Variants in DTNB observed in about 807,000 individuals in gnomAD.
The protein encoded by DTNB is dystrobrevin beta.
In DTNB, 63 loss-of-function variants were observed where a neutral mutation model predicts 90.7. The ratio of observed to expected loss-of-function variants is 0.69; its 90% CI spans 0.57 to 0.86. The LOEUF (loss-of-function observed/expected upper bound fraction) is 0.86. Ranked by LOEUF, DTNB falls within the 40% of genes least tolerant of loss-of-function variation. DTNB has a pLI of 0.00. For synonymous variants in DTNB, 277 were observed against 286.7 expected (o/e 0.97, Z 0.34); for missense variants, 744 against 807.1 (o/e 0.92, Z 0.95).
intron 16 of DTNB, among the ~76,000 whole-genome samples, chr2:25,409,288 T>G (rs1006394885): frequency 6.6e-6 from 1 of 152,166 alleles, no homozygotes; most frequent in Admixed American, 6.5e-5. Context: ...AGGACCCAAA[T>G]AGATCTCTAT....
At chr2:25,403,790 A>AC (rs1233861035) in intron 16 of DTNB, among the ~76,000 whole-genome samples, 1 of 152,214 alleles carries the variant, frequency 6.6e-6, no homozygotes, top group African/African-American at 2.4e-5. Context: ...GCAGTTGGAT[A>AC]AACCTAGTTT....
intron 10 of DTNB, among the ~76,000 whole-genome samples, chr2:25,457,381 G>A (rs186132433): frequency 2.0e-4 from 31 of 152,222 alleles, no homozygotes; most frequent in Admixed American, 4.6e-4. Flanking sequence ...CCCTCGTTCC[G>A]TTTACTGGCA....
In DTNB at chr2:25,576,819, T is replaced by C. The variant is rs751079064; in HGVS notation, c.876+19A>G. On this transcript the variant is annotated intron_variant, in intron 8 of 20. Coordinates refer to ENST00000406818, the MANE Select transcript of DTNB (RefSeq NM_021907.5). ...ACAGATTAACACTCAGGGACACAGA[T>C]GAAACACAAAGCAGTTACCCAAGAG... 3 of 1,602,942 alleles carry C rather than the reference T, an allele frequency of 1.9e-6. No homozygotes were observed. The highest frequency in any genetic ancestry group is 1.3e-5 in the African/African-American group (1 of 74,682).
intron 1 of DTNB, among the ~76,000 whole-genome samples, chr2:25,664,657 A>G (rs908221327): frequency 3.3e-5 from 5 of 152,078 alleles, no homozygotes; most frequent in Non-Finnish European, 4.4e-5. Flanking sequence ...CATTTTACAT[A>G]CCTCCCACTT....
At chr2:25,638,355 A>G (rs191701255) in intron 3 of DTNB, among the ~76,000 whole-genome samples, 86 of 152,352 alleles carry the variant, frequency 5.6e-4, no homozygotes, top group Non-Finnish European at 9.3e-4. Context: ...CTTAAAGTAT[A>G]ATAAAAAATA....
intron 19 of DTNB, among the ~76,000 whole-genome samples, chr2:25,381,135 TTA>T (rs2037586879): frequency 6.6e-6 from 1 of 152,186 alleles, no homozygotes; most frequent in African/African-American, 2.4e-5. Flanking sequence ...GATGCAGCTG[TTA>T]TGTCTTCAGC....
chr2:25,642,053 C>A (rs2078442554), intron 2 of DTNB, among the ~76,000 whole-genome samples: 1 of 152,192 alleles, frequency 6.6e-6, no homozygotes, highest in South Asian at 2.1e-4. Context: ...ATCTCCTGAC[C>A]TCATGATCCA....
At chr2:25,496,440 T>A (rs1473022836) in intron 9 of DTNB, among the ~76,000 whole-genome samples, 1 of 152,178 alleles carries the variant, frequency 6.6e-6, no homozygotes, top group East Asian at 1.9e-4. Flanking sequence ...TGCAAAGTCA[T>A]TTCCCGACCT....
At chr2:25,506,626 C>T (rs898669939) in intron 9 of DTNB, among the ~76,000 whole-genome samples, 1 of 152,160 alleles carries the variant, frequency 6.6e-6, no homozygotes, top group African/African-American at 2.4e-5. Context: ...AGGAAATACC[C>T]TGACTTGATC....
chr2:25,378,581 G>T (rs966486839), intron 20 of DTNB, among the ~76,000 whole-genome samples: 1 of 151,740 alleles, frequency 6.6e-6, no homozygotes, highest in Non-Finnish European at 1.5e-5. Context: ...AGGTGGGGGG[G>T]TGGGAGGAGG....
intron 8 of DTNB, among the ~76,000 whole-genome samples, chr2:25,536,157 A>G (rs1361913641): frequency 1.3e-5 from 2 of 150,250 alleles, no homozygotes; most frequent in Non-Finnish European, 3.0e-5. Flanking sequence ...GCGGCCACGC[A>G]GAGATGCTCC....
chr2:25,520,242 C>T (rs147830243), intron 9 of DTNB, among the ~76,000 whole-genome samples: 135 of 152,142 alleles, frequency 8.9e-4, no homozygotes, highest in Middle Eastern at 3.4e-3. Flanking sequence ...ATTAGCCAGG[C>T]GTGGTGTGTG....
At chr2:25,633,555 G>C (rs901983954) in intron 3 of DTNB, among the ~76,000 whole-genome samples, 9 of 152,066 alleles carry the variant, frequency 5.9e-5, no homozygotes, top group Non-Finnish European at 1.0e-4. Flanking sequence ...CCCCCAAAGT[G>C]CCAAGATTGC....
rs570423575 is a variant in DTNB at position 25,479,808 on chromosome 2, T to C, written c.1079+2988A>G. The stretch of plus-strand genomic sequence containing the variant: ...AAAATTTTTCCTGCATTTTTATCAC[T>C]GTGCATGTTGTTGTCTCATTCAGTG... On this transcript the variant is annotated intron_variant, in intron 10 of 20. Transcript: ENST00000406818. Among the ~76,000 whole-genome samples, 26 of 152,366 alleles carry C rather than the reference T, an allele frequency of 1.7e-4. No homozygotes were observed. The South Asian group carries it at 5.4e-3, about 32-fold the overall frequency.
At chr2:25,633,157 AGC>A (rs1491550003) in intron 3 of DTNB, among the ~76,000 whole-genome samples, 1 of 151,418 alleles carries the variant, frequency 6.6e-6, no homozygotes, top group African/African-American at 2.4e-5. Context: ...ATTTTAAAAT[AGC>A]TCTCCCTCTC....
At chr2:25,529,501 T>A (rs1328291385) in intron 9 of DTNB, among the ~76,000 whole-genome samples, 1 of 151,668 alleles carries the variant, frequency 6.6e-6, no homozygotes, top group Non-Finnish European at 1.5e-5. Flanking sequence ...GTTAACAGAT[T>A]TAACAAAAAA....
At chr2:25,630,994 C>T (rs1218891732) in intron 3 of DTNB, among the ~76,000 whole-genome samples, 1 of 151,668 alleles carries the variant, frequency 6.6e-6, no homozygotes, top group Non-Finnish European at 1.5e-5. Context: ...TATGAAATGT[C>T]CACATAGGCA....
chr2:25,472,744 T>C (rs762344208), intron 10 of DTNB, among the ~76,000 whole-genome samples: 4 of 151,996 alleles, frequency 2.6e-5, no homozygotes, highest in African/African-American at 2.4e-5. Flanking sequence ...ATTAGCTGGG[T>C]GTGGTGGCAC....
At chr2:25,403,421 C>T (rs1247136654) in intron 16 of DTNB, among the ~76,000 whole-genome samples, 1 of 152,078 alleles carries the variant, frequency 6.6e-6, no homozygotes, top group Non-Finnish European at 1.5e-5. Flanking sequence ...TGGCCCGTAT[C>T]CCACTAGTCT....
Sources: gnomAD v4.1 joint callset for allele counts (sites outside exome capture counted in the v4.1 genomes callset) on GRCh38, gnomAD v4.1.1 for gene constraint, MANE v1.5 for transcripts, NCBI Gene and HGNC (gene_info 2026-07-23, HGNC 2026-07-21) for gene names.